The following MIA2 variants were observed in gnomAD, a reference collection of about 807,000 sequenced individuals.
MIA2 encodes MIA SH3 domain ER export factor 2, also known as melanoma inhibitory activity protein 2.
A neutral mutation model predicts 167.8 loss-of-function variants in MIA2; 127 were observed. The ratio of observed to expected loss-of-function variants is 0.76; its 90% CI spans 0.66 to 0.88. The LOEUF is 0.88. Ranked by LOEUF, MIA2 falls within the 40% of genes least tolerant of loss-of-function variation. The pLI, the probability that MIA2 is intolerant of heterozygous loss-of-function variation, is 0.00. For missense variants in MIA2, 1,690 were observed against 1,624.7 expected, an observed-to-expected ratio of 1.04 and a Z score of -0.69; for synonymous variants, 552 against 541.9, an observed-to-expected ratio of 1.02 and a Z score of -0.26.
At chr14:39,293,407 T>A (rs2060992198) in intron 11 of MIA2, 26 bp downstream of exon 11, 2 of 1,406,056 alleles carry the variant, frequency 1.4e-6, no homozygotes, top group African/African-American at 2.9e-5. Flanking sequence ...TTGAGGAGAA[T>A]ATAAGAAAAA....
In MIA2 at chr14:39,290,932, G is replaced by T; in HGVS notation, c.2131-87G>T. The T allele has an allele frequency of 2.5e-6, 3 of 1,195,124 alleles. No homozygotes were observed. In the South Asian group the frequency reaches 4.3e-5, roughly 17 times the overall value. The allele number at this position is 1,195,124 out of a possible 1,614,324, so 74.0% of individuals were successfully genotyped here. Reference sequence around the variant, plus strand: ...AAATTTAATGTATTATGTGGAAATGGATTCTGTCTGCTTCTTAGGCATCTA... The same window carrying T: ...AAATTTAATGTATTATGTGGAAATGTATTCTGTCTGCTTCTTAGGCATCTA... On this transcript the variant is annotated intron_variant, in intron 9 of 28. Transcript: ENST00000640607.
At chr14:39,353,637 T>C (rs1595929509), downstream of MIA2, among the ~76,000 whole-genome samples, 1 of 152,136 alleles carries the variant, frequency 6.6e-6, no homozygotes, top group Admixed American at 6.5e-5. Context: ...TTGTTACATA[T>C]CTATACATGT....
intron 3 of MIA2, among the ~76,000 whole-genome samples, chr14:39,245,106 T>C (rs2054238089): frequency 1.1e-5 from 1 of 92,042 alleles, no homozygotes; most frequent in Non-Finnish European, 2.0e-5. Flanking sequence ...AGACAGGATC[T>C]TGCCTTGTTG....
chr14:39,274,411 G>C (rs2057616123), intron 6 of MIA2, among the ~76,000 whole-genome samples: 1 of 150,566 alleles, frequency 6.6e-6, no homozygotes, highest in East Asian at 2.0e-4. Flanking sequence ...TTAGAACTCA[G>C]TTTCTTTTTT....
At chr14:39,331,248 A>G (rs895899952) in intron 25 of MIA2, among the ~76,000 whole-genome samples, 7 of 152,102 alleles carry the variant, frequency 4.6e-5, no homozygotes, top group African/African-American at 9.7e-5. Context: ...GTTGGTTTCA[A>G]GTCTTTTTTA....
chr14:39,304,038 C>G (rs1156962210), intron 16 of MIA2, among the ~76,000 whole-genome samples: 3 of 152,084 alleles, frequency 2.0e-5, no homozygotes. Context: ...TAGTCACTTT[C>G]TTAAGCAGCC....
intron 24 of MIA2, among the ~76,000 whole-genome samples, chr14:39,325,228 A>G (rs72645017): frequency 1.2e-5 from 1 of 81,846 alleles, no homozygotes; most frequent in Non-Finnish European, 3.1e-5. Flanking sequence ...ACCTTGTCTC[A>G]AAAAAAAAAA....
intron 21 of MIA2, among the ~76,000 whole-genome samples, chr14:39,317,571 A>G (rs1314175301): frequency 1.3e-5 from 2 of 152,142 alleles, no homozygotes; most frequent in African/African-American, 4.8e-5. Flanking sequence ...TAGGGGGATA[A>G]TAAAGTCTCA....
intron 6 of MIA2, among the ~76,000 whole-genome samples, chr14:39,271,748 G>A (rs188503076): frequency 9.8e-4 from 149 of 151,912 alleles, no homozygotes; most frequent in African/African-American, 3.4e-3. Flanking sequence ...CGGGCAACTT[G>A]GTGAAACTGT....
chr14:39,238,811 A>AAAAAAAAAAAAAAAAACAAAAAAC, intron 2 of MIA2, among the ~76,000 whole-genome samples: 1 of 103,632 alleles, frequency 9.6e-6, no homozygotes. Flanking sequence ...AAAAAAAAAA[A>AAAAAAAAAAAAAAAAACAAAAAAC]CCCAAAAAAC....
intron 3 of MIA2, among the ~76,000 whole-genome samples, 168 bp from the exon 4 acceptor site, chr14:39,246,743 A>G (rs999252482): frequency 6.6e-6 from 1 of 152,366 alleles, no homozygotes; most frequent in East Asian, 1.9e-4. Context: ...TTAGGTTTAC[A>G]TAATTAGCCT....
At chr14:39,325,642 C>T (rs748482212) in intron 24 of MIA2, among the ~76,000 whole-genome samples, 49 of 151,932 alleles carry the variant, frequency 3.2e-4, no homozygotes, top group African/African-American at 1.0e-3. Flanking sequence ...GCTGGGATTA[C>T]AGGTGTGAGC....
intron 23 of MIA2, among the ~76,000 whole-genome samples, chr14:39,376,850 G>A (rs888921549): frequency 6.6e-6 from 1 of 152,176 alleles, no homozygotes; most frequent in African/African-American, 2.4e-5. Context: ...TTATGTATTC[G>A]TCTTATGCTC....
chr14:39,326,981 C>T lies in MIA2; in HGVS notation c.3614C>T (p.Pro1205Leu), dbSNP rs779532879. 5 of 1,576,000 alleles carry T rather than the reference C, an allele frequency of 3.2e-6. No individual in the cohort carries two copies. The highest frequency in any genetic ancestry group is 1.2e-5 in the South Asian group (1 of 84,304). Reference protein sequence around the residue: ...RAPSDTGSLSPPWDQDRRMMF... With the variant: ...RAPSDTGSLSLPWDQDRRMMF... ...CCCTCTGACACTGGGTCTCTGTCAC[C>T]TCCATGGGACCAGGACCGTAGGATG... Residue 1205 changes from proline to leucine, a missense_variant, in exon 25 of 29, where the codon CCT becomes CTT. Pro to Leu is a moderately conservative substitution (Grantham distance 98). Coordinates refer to ENST00000640607, the MANE Select transcript of MIA2 (RefSeq NM_001329214.4).
At chr14:39,310,185 T>G (rs2063992306) in intron 18 of MIA2, among the ~76,000 whole-genome samples, 1 of 152,202 alleles carries the variant, frequency 6.6e-6, no homozygotes, top group Non-Finnish European at 1.5e-5. Context: ...TGTTCCCAGC[T>G]GAGGTCAAAC....
intron 25 of MIA2, among the ~76,000 whole-genome samples, chr14:39,335,875 C>T (rs1004105901): frequency 6.6e-6 from 1 of 152,172 alleles, no homozygotes; most frequent in Non-Finnish European, 1.5e-5. Flanking sequence ...TATATTTCTG[C>T]ATTAATTCAC....
At chr14:39,372,073 C>T (rs771934580) in intron 23 of MIA2, among the ~76,000 whole-genome samples, 16 of 151,832 alleles carry the variant, frequency 1.1e-4, no homozygotes, top group Admixed American at 3.3e-4. Context: ...GGTATGGGAT[C>T]GGGAGCTTCC....
At chr14:39,249,635 A>G (rs2054472229) in intron 4 of MIA2, among the ~76,000 whole-genome samples, 2 of 152,222 alleles carry the variant, frequency 1.3e-5, no homozygotes, top group Non-Finnish European at 2.9e-5. Context: ...ATACTTTCAG[A>G]TCTAGATGTC....
intron 14 of MIA2, among the ~76,000 whole-genome samples, chr14:39,301,674 C>T (rs2062523652): frequency 6.6e-6 from 1 of 152,236 alleles, no homozygotes; most frequent in Admixed American, 6.5e-5. Flanking sequence ...ATGTTCCATT[C>T]AAATTCTCTT....
Sources: gnomAD v4.1 joint callset for allele counts (sites outside exome capture counted in the v4.1 genomes callset) on GRCh38, gnomAD v4.1.1 for gene constraint, MANE v1.5 for transcripts, NCBI Gene and HGNC (gene_info 2026-07-23, HGNC 2026-07-21) for gene names.